Variants in SGPP2 observed in about 807,000 individuals in gnomAD.
SGPP2 encodes the protein sphingosine 1-phosphate phosphohydrolase 2.
SGPP2 carries 30 observed loss-of-function variants against 33.9 expected under a neutral mutation model. The observed-to-expected ratio is 0.89, with a 90% CI of 0.66 to 1.20. The LOEUF (loss-of-function observed/expected upper bound fraction) is 1.20. Among genes scored for constraint, SGPP2 ranks in the 50% most tolerant of loss-of-function variants. The pLI, the probability that SGPP2 is intolerant of heterozygous loss-of-function variation, is 0.00. For synonymous variants in SGPP2, 233 were observed against 225.0 expected, an observed-to-expected ratio of 1.04 and a Z score of -0.32; for missense variants, 458 against 532.1, an observed-to-expected ratio of 0.86 and a Z score of 1.37.
intron 1 of SGPP2, among the ~76,000 whole-genome samples, chr2:222,461,713 T>C (rs1347938266): frequency 6.6e-6 from 1 of 151,916 alleles, no homozygotes; most frequent in East Asian, 1.9e-4. Flanking sequence ...GGGTTTGTGC[T>C]CCTATGAGAA....
intron 1 of SGPP2, among the ~76,000 whole-genome samples, chr2:222,462,620 C>T (rs545487538): frequency 1.7e-4 from 26 of 152,220 alleles, no homozygotes; most frequent in African/African-American, 6.3e-4. Context: ...TTAAGATTTT[C>T]GATCTTAATC....
chr2:222,494,092 G>C (rs1338858057), intron 2 of SGPP2, among the ~76,000 whole-genome samples: 3 of 152,096 alleles, frequency 2.0e-5, no homozygotes, highest in African/African-American at 7.2e-5. Context: ...CCACCAAACT[G>C]CTTTTTGTTC....
chr2:222,555,445 G>GTTTTTTTTTTTTTT, intron 4 of SGPP2, among the ~76,000 whole-genome samples: 1 of 85,860 alleles, frequency 1.2e-5, no homozygotes, highest in Non-Finnish European at 2.3e-5. Flanking sequence ...TCTTTTATCC[G>GTTTTTTTTTTTTTT]TTTTTTTTTT....
chr2:222,518,088 A>G (rs1380701861), intron 2 of SGPP2, among the ~76,000 whole-genome samples: 1 of 152,236 alleles, frequency 6.6e-6, no homozygotes, highest in Non-Finnish European at 1.5e-5. Flanking sequence ...AATGCCAGAA[A>G]CAGGATACAA....
At chr2:222,491,051 T>C (rs901274711) in intron 2 of SGPP2, among the ~76,000 whole-genome samples, 1 of 152,206 alleles carries the variant, frequency 6.6e-6, no homozygotes, top group Non-Finnish European at 1.5e-5. Context: ...CAGTAATAAT[T>C]GTCTCATGCC....
chr2:222,441,115 T>G (rs1209680841), intron 1 of SGPP2, among the ~76,000 whole-genome samples: 1 of 152,264 alleles, frequency 6.6e-6, no homozygotes, highest in Non-Finnish European at 1.5e-5. Context: ...TCTTCTGATG[T>G]ACATAAAAAG....
chr2:222,490,198 A>G (rs896366623), intron 2 of SGPP2, among the ~76,000 whole-genome samples: 6 of 152,190 alleles, frequency 3.9e-5, no homozygotes, highest in Non-Finnish European at 8.8e-5. Context: ...GAACCTTTTT[A>G]GTATGTCACC....
chr2:222,524,662 T>C (rs1437582370), intron 3 of SGPP2, among the ~76,000 whole-genome samples: 6 of 152,208 alleles, frequency 3.9e-5, no homozygotes, highest in African/African-American at 1.4e-4. Flanking sequence ...AGCACTGTAG[T>C]TGTGGTCATG....
At chr2:222,548,545 G>C (rs987909378) in intron 4 of SGPP2, among the ~76,000 whole-genome samples, 1 of 151,892 alleles carries the variant, frequency 6.6e-6, no homozygotes, top group Non-Finnish European at 1.5e-5. Flanking sequence ...CTCAGAGGAC[G>C]GTCATGACAT....
Position 222,558,695 on chromosome 2 carries a change from G to C in SGPP2, c.997G>C (p.Val333Leu). Reference sequence around the variant, plus strand: ...TCTGACCAAATTTGCAGTGGGAATTGTGTTGATCCTCTTGGTTCGTCAGCT... The same window carrying C: ...TCTGACCAAATTTGCAGTGGGAATTCTGTTGATCCTCTTGGTTCGTCAGCT... The part of the protein sequence containing the change: ...LGLTKFAVGI[V>L]LILLVRQLVQ... The change falls in exon 5 of 5, where the codon GTG becomes CTG. Residue 333 changes from valine (V) to leucine (L), a missense_variant. By Grantham distance (32) the Val-to-Leu change is conservative. Coordinates refer to ENST00000321276, the MANE Select transcript of SGPP2 (RefSeq NM_152386.4). 6.2e-7 allele frequency: 1 copy of C among 1,614,176 alleles called. No homozygotes were observed. The highest frequency in any genetic ancestry group is 8.5e-7 in the Non-Finnish European group (1 of 1,180,028).
intron 2 of SGPP2, among the ~76,000 whole-genome samples, chr2:222,484,844 G>A (rs1698080200): frequency 6.6e-6 from 1 of 152,194 alleles, no homozygotes; most frequent in South Asian, 2.1e-4. Flanking sequence ...GAAAGATAAT[G>A]AGCCAATTTG....
intron 4 of SGPP2, among the ~76,000 whole-genome samples, chr2:222,556,443 C>T (rs1481855968): frequency 6.8e-6 from 1 of 146,920 alleles, no homozygotes; most frequent in East Asian, 2.0e-4. Context: ...CCCCCAACCC[C>T]GGCTCCGTCC....
At position 222,558,383 on chromosome 2, in the gene SGPP2, A is replaced by C. The variant is rs1689455051; in HGVS notation, c.685A>C (p.Ile229Leu). ...LGGVLITALL[I>L]VLTYPAWTFI... Reference sequence around the variant, plus strand: ...TGGCGTCCTGATCACCGCACTCCTCATCGTCCTCACCTACCCTGCCTGGAC... The same window carrying C: ...TGGCGTCCTGATCACCGCACTCCTCCTCGTCCTCACCTACCCTGCCTGGAC... The change falls in exon 5 of 5, where the codon ATC becomes CTC. Residue 229 changes from isoleucine to leucine, a missense_variant. Coordinates refer to ENST00000321276, the MANE Select transcript of SGPP2 (RefSeq NM_152386.4). 1 of 1,614,102 alleles carries C rather than the reference A, an allele frequency of 6.2e-7. No individual in the cohort carries two copies. Among genetic ancestry groups the C allele is most frequent in the African/African-American group, 1.3e-5 (1 of 75,018 alleles).
At chr2:222,471,662 C>T (rs1697844661) in intron 1 of SGPP2, among the ~76,000 whole-genome samples, 1 of 152,126 alleles carries the variant, frequency 6.6e-6, no homozygotes, top group Non-Finnish European at 1.5e-5. Context: ...AACTTGTTTT[C>T]TGAAATCCCC....
At chr2:222,432,796 T>A (rs1697175866) in intron 1 of SGPP2, among the ~76,000 whole-genome samples, 1 of 151,856 alleles carries the variant, frequency 6.6e-6, no homozygotes. Context: ...CAAAGGCGGG[T>A]GGATCACCTG....
chr2:222,434,411 C>T (rs1697204166), intron 1 of SGPP2, among the ~76,000 whole-genome samples: 1 of 152,118 alleles, frequency 6.6e-6, no homozygotes, highest in South Asian at 2.1e-4. Context: ...AACAAAAAGT[C>T]CCTGAGGCTT....
chr2:222,468,699 C>G (rs1469481590), intron 1 of SGPP2, among the ~76,000 whole-genome samples: 4 of 152,288 alleles, frequency 2.6e-5, no homozygotes, highest in African/African-American at 7.2e-5. Flanking sequence ...AAGCGCTGTT[C>G]AGGTGTTCAT....
chr2:222,431,954 C>T (rs1697163973), intron 1 of SGPP2, among the ~76,000 whole-genome samples: 1 of 152,212 alleles, frequency 6.6e-6, no homozygotes, highest in South Asian at 2.1e-4. Context: ...AAATGGAACC[C>T]ACCCAGCGCA....
At chr2:222,532,930 C>T (rs193010899) in intron 4 of SGPP2, among the ~76,000 whole-genome samples, 2 of 152,214 alleles carry the variant, frequency 1.3e-5, no homozygotes, top group Admixed American at 6.5e-5. Context: ...CTGGGGCCAC[C>T]GTACCTCTGG....
Sources: allele counts gnomAD v4.1 joint callset (sites outside exome capture counted in the v4.1 genomes callset), GRCh38; gene constraint gnomAD v4.1.1; transcripts MANE v1.5; gene names NCBI Gene and HGNC (gene_info 2026-07-23, HGNC 2026-07-21).